The following ALG13 variants were observed in gnomAD, a reference collection of about 807,000 sequenced individuals.
ALG13 encodes the protein ALG13 UDP-N-acetylglucosaminyltransferase subunit.
In ALG13, 11 loss-of-function variants were observed where a neutral mutation model predicts 87.8. That is an observed-to-expected ratio of 0.13 (90% CI 0.08 to 0.21). The LOEUF is 0.21. ALG13 is among the 10% of genes least tolerant of loss of function. The pLI, the probability that ALG13 is intolerant of heterozygous loss-of-function variation, is 1.00. For missense variants in ALG13, 756 were observed against 866.1 expected (o/e 0.87, Z 1.60); for synonymous variants, 320 against 306.3 (o/e 1.04, Z -0.47).
In ALG13 at chrX:111,725,195, A is replaced by G. The variant is rs1602731845; in HGVS notation, c.1729+134A>G. 7.9e-6 allele frequency: 6 copies of G among 757,655 alleles called. No homozygotes were observed. In the South Asian group the frequency reaches 1.4e-4, roughly 18 times the overall value. 62.4% of individuals were successfully genotyped at this position (757,655 alleles called of 1,213,427 possible). ...GGGTTTCTCAACTTTAGCATTACTG[A>G]TAATGGAATGGATACTACTTCACTG... On this transcript the variant is annotated intron_variant, in intron 15 of 26. Coordinates refer to ENST00000394780, the MANE Select transcript of ALG13 (RefSeq NM_001099922.3).
In ALG13 at chrX:111,700,026, G is replaced by A. The variant is rs1372355892; in HGVS notation, c.384-8001G>A. Among the ~76,000 whole-genome samples, 4 of 83,985 alleles carry A rather than the reference G, an allele frequency of 4.8e-5. No individual in the cohort carries two copies. In the East Asian group the frequency reaches 1.0e-3, roughly 22 times the overall value. The allele number at this position is 83,985 out of a possible 115,157, so 72.9% of individuals were successfully genotyped here. A position where few individuals can be genotyped will look rare whatever the true frequency, so the allele number is the denominator to read the frequency against. On this transcript the variant is annotated intron_variant, in intron 3 of 26. Transcript: ENST00000394780. ...ATCCATAAACATGGGATATTGTTCC[G>A]TTTATTTGTGGGTTTTTTTTTTTTT...
intron 24 of ALG13, among the ~76,000 whole-genome samples, chrX:111,751,095 A>T (rs1602940008): frequency 1.5e-5 from 1 of 64,646 alleles, no homozygotes; most frequent in South Asian, 8.7e-4. Flanking sequence ...TTTGCAACGG[A>T]GTCTTGCTCT....
intron 23 of ALG13, among the ~76,000 whole-genome samples, chrX:111,738,873 G>A (rs1417165257): frequency 9.4e-6 from 1 of 105,909 alleles, no homozygotes; most frequent in Non-Finnish European, 1.9e-5. Flanking sequence ...TAAGAAGAGG[G>A]AAATCTAAAA....
chrX:111,724,367 C>T (rs1385539136), intron 14 of ALG13, among the ~76,000 whole-genome samples: 1 of 111,564 alleles, frequency 9.0e-6, no homozygotes, highest in Non-Finnish European at 1.9e-5. Flanking sequence ...GGACAAGTTT[C>T]CAGGTGATGA....
intron 3 of ALG13, among the ~76,000 whole-genome samples, chrX:111,698,875 C>G (rs894775394): frequency 9.0e-6 from 1 of 110,701 alleles, no homozygotes; most frequent in African/African-American, 3.3e-5. Flanking sequence ...GGATATATAC[C>G]CAGAAGTAGA....
At chrX:111,743,553 AG>A (rs1270105909) in intron 23 of ALG13, among the ~76,000 whole-genome samples, 1 of 112,003 alleles carries the variant, frequency 8.9e-6, no homozygotes, top group African/African-American at 3.2e-5. Context: ...TTGTTTATCA[AG>A]TTTTACATCA....
chrX:111,748,509 GTTGT>G (rs1276055511), intron 24 of ALG13, among the ~76,000 whole-genome samples: 1 of 111,044 alleles, frequency 9.0e-6, no homozygotes, highest in African/African-American at 3.3e-5. Flanking sequence ...TGGATGTCCA[GTTGT>G]TTGAGTACTT....
chrX:111,723,995 A>C, intron 14 of ALG13, 97 bp downstream of exon 14: 3 of 534,860 alleles, frequency 5.6e-6, no homozygotes, highest in Non-Finnish European at 6.0e-6. Flanking sequence ...TAGTAAGAGA[A>C]CCAGAATTGT....
chrX:111,749,267 A>T (rs756875829), intron 24 of ALG13, among the ~76,000 whole-genome samples: 4 of 109,562 alleles, frequency 3.7e-5, no homozygotes, highest in Middle Eastern at 4.7e-3. Flanking sequence ...TTCTTTATGG[A>T]TCTCCAGTAT....
intron 21 of ALG13, among the ~76,000 whole-genome samples, chrX:111,734,012 T>G (rs1329682576): frequency 3.6e-5 from 4 of 112,276 alleles, no homozygotes; most frequent in Non-Finnish European, 7.5e-5. Flanking sequence ...GTGTTTTTCT[T>G]GCTGATTTGA....
In ALG13 at chrX:111,760,023, T is replaced by A. The variant is rs779319155; in HGVS notation, c.*24T>A. On this transcript the variant is annotated 3_prime_UTR_variant, in exon 27 of 27. Transcript: ENST00000394780. ...AAGATCCAGCAGTATGAAGTATTCTTGCACTGCCATTTTCTTGCTGTTTTT... is the reference window on the plus strand; with the variant it reads ...AAGATCCAGCAGTATGAAGTATTCTAGCACTGCCATTTTCTTGCTGTTTTT... The A allele has an allele frequency of 8.4e-7, 1 of 1,187,711 alleles. No individual in the cohort carries two copies. Among genetic ancestry groups the A allele is most frequent in the South Asian group, 1.9e-5 (1 of 52,591 alleles).
chrX:111,739,033 T>C (rs1569521346), intron 23 of ALG13, among the ~76,000 whole-genome samples: 1 of 111,986 alleles, frequency 8.9e-6, no homozygotes, highest in African/African-American at 3.2e-5. Flanking sequence ...TGAAGTTTTG[T>C]ATTAGGTTGT....
At chrX:111,694,743 C>T (rs1021196159) in intron 3 of ALG13, among the ~76,000 whole-genome samples, 5 of 111,893 alleles carry the variant, frequency 4.5e-5, no homozygotes, top group African/African-American at 1.6e-4. Flanking sequence ...GGTCAATTCT[C>T]CACTGCCAGT....
At chrX:111,735,007 A>C in intron 21 of ALG13, 44 bp from the exon 22 acceptor site, 1 of 844,163 alleles carries the variant, frequency 1.2e-6, no homozygotes, top group East Asian at 3.2e-5. Context: ...AAAGTTATTG[A>C]TGTGTTGTTT....
chrX:111,756,262 G>A (rs763797854), intron 25 of ALG13, among the ~76,000 whole-genome samples: 1 of 111,159 alleles, frequency 9.0e-6, no homozygotes, highest in African/African-American at 3.3e-5. Flanking sequence ...GGCCTGTCGC[G>A]GGGTTGGGGG....
intron 3 of ALG13, among the ~76,000 whole-genome samples, chrX:111,701,981 ATTCT>A (rs1289499786): frequency 9.0e-6 from 1 of 111,382 alleles, no homozygotes; most frequent in Non-Finnish European, 1.9e-5. Context: ...GTTTTTCAAG[ATTCT>A]TTCTGTTACT....
At chrX:111,699,518 G>T (rs1937446003) in intron 3 of ALG13, among the ~76,000 whole-genome samples, 1 of 111,075 alleles carries the variant, frequency 9.0e-6, no homozygotes, top group Non-Finnish European at 1.9e-5. Flanking sequence ...TGCAGTTTCA[G>T]GTTTTATATT....
At chrX:111,695,423 TGAGGCAGGATAATTGCTTGAACCTGG>T (rs1371049849) in intron 3 of ALG13, among the ~76,000 whole-genome samples, 5 of 108,860 alleles carry the variant, frequency 4.6e-5, no homozygotes, top group African/African-American at 1.0e-4. Flanking sequence ...CTCAGGAGGC[TGAGGCAGGATAATTGCTTGAACCTGG>T]GAGGCAGAGG....
In ALG13 at chrX:111,708,212, A is replaced by G; in HGVS notation, c.569A>G (p.His190Arg). ...TGCACCCTGCTTTTTCCCTCTTGCC[A>G]CGCTTTTTTTCCTCTCCCTCTTACC... ...PTCTLLFPSC[H>R]AFFPLPLTPT... The change falls in exon 4 of 27, where the codon CAC (histidine) becomes CGC (arginine). Residue 190 changes from histidine (H) to arginine (R), a missense_variant. Physicochemically the swap from His to Arg is conservative, Grantham distance 29. This residue lies in a region of ALG13 where 153 missense variants were observed against 168.7 expected (regional missense o/e 0.91). Coordinates refer to ENST00000394780, the MANE Select transcript of ALG13 (RefSeq NM_001099922.3). The G allele has an allele frequency of 8.3e-7, 1 of 1,211,114 alleles. No individual in the cohort carries two copies. Among genetic ancestry groups the G allele is most frequent in the Middle Eastern group, 2.3e-4 (1 of 4,351 alleles).
Sources: allele counts gnomAD v4.1 joint callset (sites outside exome capture counted in the v4.1 genomes callset), GRCh38; gene constraint gnomAD v4.1.1; regional missense constraint gnomAD v4.1.1; transcripts MANE v1.5; gene names NCBI Gene and HGNC (gene_info 2026-07-23, HGNC 2026-07-21).